Variants in AGO4 observed in about 807,000 individuals in gnomAD.
The protein encoded by AGO4 is protein argonaute-4.
A neutral mutation model predicts 104.7 loss-of-function variants in AGO4; 33 were observed. That is an observed-to-expected ratio of 0.32 (90% CI 0.24 to 0.42). The LOEUF (loss-of-function observed/expected upper bound fraction) is 0.42. AGO4 is among the 10% of genes least tolerant of loss of function. The probability of loss-of-function intolerance (pLI) is 1.00; values close to 1 mark genes in which losing one functional copy is unlikely to be tolerated. For synonymous variants in AGO4, 331 were observed against 364.7 expected (o/e 0.91, Z 1.05); for missense variants, 711 against 1,083.4 (o/e 0.66, Z 4.83).
In AGO4 at chr1:35,826,798, G is replaced by C. The variant is rs1327077031; in HGVS notation, c.811G>C (p.Val271Leu). 1 of 1,614,070 alleles carries C rather than the reference G, an allele frequency of 6.2e-7. No homozygotes were observed. Among genetic ancestry groups the C allele is most frequent in the Admixed American group, 1.7e-5 (1 of 59,996 alleles). ...TGGACAGATGAAACGAAAATACCGA[G>C]TTTGTAATGTGACTAGACGGCCAGC... ...HCGQMKRKYR[V>L]CNVTRRPASH... is the part of the protein sequence containing the mutation. The change falls in exon 7 of 18, where the codon GTT (valine) becomes CTT (leucine). Residue 271 changes from valine to leucine, a missense_variant. Coordinates refer to ENST00000373210, the MANE Select transcript of AGO4 (RefSeq NM_017629.4).
chr1:35,824,525 G>T (rs1384963740), intron 3 of AGO4, among the ~76,000 whole-genome samples: 1 of 150,586 alleles, frequency 6.6e-6, no homozygotes, highest in African/African-American at 2.4e-5. Flanking sequence ...GCTGGGTGTA[G>T]TGCTTCACCC....
chr1:35,850,108 C>G (rs767954938), intron 15 of AGO4, 49 bp from the exon 16 acceptor site: 3 of 1,358,678 alleles, frequency 2.2e-6, no homozygotes, highest in Non-Finnish European at 3.0e-6. Flanking sequence ...AATGGCCTGA[C>G]CACAGTTTGG....
chr1:35,849,212 TA>T (rs1644642816), intron 15 of AGO4, among the ~76,000 whole-genome samples: 1 of 151,994 alleles, frequency 6.6e-6, no homozygotes. Flanking sequence ...TTTAAAAGGG[TA>T]AGAGAACATC....
At chr1:35,822,397 A>AG (rs1207844195) in intron 2 of AGO4, among the ~76,000 whole-genome samples, 1 of 151,858 alleles carries the variant, frequency 6.6e-6, no homozygotes, top group Non-Finnish European at 1.5e-5. Context: ...CTGGGATTAC[A>AG]GGCACGTGCC....
At position 35,855,828 on chromosome 1, in the gene AGO4, TAGG is replaced by T. The variant is rs1644805496; in HGVS notation, c.*2226_*2228del. Reference sequence around the variant, plus strand: ...GAGGAGGAAAAAACGGAAGCTTTTTTAGGAGAAGGAGGACTTGCTGGAATCCAA... The same window carrying T: ...GAGGAGGAAAAAACGGAAGCTTTTTTAGAAGGAGGACTTGCTGGAATCCAA... On this transcript the variant is annotated 3_prime_UTR_variant, in exon 18 of 18. Transcript: ENST00000373210. The T allele has an allele frequency of 6.6e-6, 1 of 152,210 alleles. No homozygotes were observed. The highest frequency in any genetic ancestry group is 6.5e-5 in the Admixed American group (1 of 15,278). The allele number at this position is 152,210 out of a possible 1,614,324, so 9.4% of individuals were successfully genotyped here.
chr1:35,835,204 G>A (rs12137709), intron 12 of AGO4, among the ~76,000 whole-genome samples: 35 of 151,778 alleles, frequency 2.3e-4, no homozygotes, highest in African/African-American at 7.5e-4. Flanking sequence ...CTACAGGCAC[G>A]TGCCATCACA....
chr1:35,824,280 A>G (rs115457686), intron 3 of AGO4, among the ~76,000 whole-genome samples: 1,573 of 151,996 alleles, frequency 0.01, 22 homozygotes, highest in African/African-American at 0.036. Context: ...GGAAACTACT[A>G]TAGTAGTTTG....
At chr1:35,834,914 T>C (rs1644270550) in intron 12 of AGO4, among the ~76,000 whole-genome samples, 1 of 152,152 alleles carries the variant, frequency 6.6e-6, no homozygotes, top group South Asian at 2.1e-4. Context: ...CAGGATGGTC[T>C]TGAACTCCTG....
At chr1:35,812,209 G>GA (rs151265078) in intron 1 of AGO4, among the ~76,000 whole-genome samples, 16 of 145,032 alleles carry the variant, frequency 1.1e-4, no homozygotes, top group African/African-American at 3.0e-4. Flanking sequence ...AAAGAAAAAA[G>GA]AAAAAAAAAA....
chr1:35,825,545 A>T (rs1444370177), intron 4 of AGO4, 51 bp downstream of exon 4: 5 of 1,587,426 alleles, frequency 3.1e-6, no homozygotes, highest in Non-Finnish European at 4.3e-6. Flanking sequence ...CTTTTTTGGT[A>T]GGTTGTACTG....
rs1217885226 is a variant in AGO4 at position 35,825,185 on chromosome 1, A to G, written c.307-128A>G. The G allele has an allele frequency of 1.2e-5, 11 of 916,842 alleles. No homozygotes were observed. The East Asian group carries it at 2.3e-4, about 19-fold the overall frequency. 56.8% of individuals were successfully genotyped at this position (916,842 alleles called of 1,614,324 possible). On this transcript the variant is annotated intron_variant, in intron 3 of 17. Transcript: ENST00000373210. ...ACTCATGGACACTAAGTTGTTTCCA[A>G]TGTTACACAATTGTAAAAAAAAGTT...
intron 2 of AGO4, among the ~76,000 whole-genome samples, chr1:35,819,623 C>A (rs1310374369): frequency 6.6e-6 from 1 of 151,020 alleles, no homozygotes; most frequent in Non-Finnish European, 1.5e-5. Context: ...GTCCCAGCTA[C>A]TCGGGAGGCT....
At position 35,831,286 on chromosome 1, in the gene AGO4, C is replaced by T. The variant is rs540515719; in HGVS notation, c.849-141C>T. On this transcript the variant is annotated intron_variant, in intron 7 of 17. Transcript: ENST00000373210. ...ATGAGGCATGAGAATCCATTGAACC[C>T]GGGAGGCGGAGGTTGAGATCACGCC... 1.2e-4 allele frequency: 95 copies of T among 783,332 alleles called. 1 individual carries two copies. In the South Asian group the frequency reaches 1.8e-3, roughly 15 times the overall value. The allele number at this position is 783,332 out of a possible 1,614,324, so 48.5% of individuals were successfully genotyped here.
Position 35,834,074 on chromosome 1 carries a change from A to T in AGO4, c.1464A>T (p.Gln488His), listed in dbSNP as rs1207474946. 6 of 1,611,756 alleles carry T rather than the reference A, an allele frequency of 3.7e-6. No homozygotes were observed. Among genetic ancestry groups the T allele is most frequent in the Non-Finnish European group, 5.1e-6 (6 of 1,178,978 alleles). The stretch of plus-strand genomic sequence containing the variant: ...AGCCATGTTTCTGCAAGTATGCACA[A>T]GGTGCAGACAGTGTGGAGCCTATGT... Reference protein sequence around the residue: ...QGQPCFCKYAQGADSVEPMFK... With the variant: ...QGQPCFCKYAHGADSVEPMFK... The change falls in exon 12 of 18, where the codon CAA becomes CAT. Residue 488 changes from glutamine to histidine, a missense_variant. This residue lies in a region of AGO4 where 401 missense variants were observed against 665.5 expected (regional missense o/e 0.60). Transcript: ENST00000373210.
intron 1 of AGO4, among the ~76,000 whole-genome samples, chr1:35,813,106 A>G (rs1191658941): frequency 6.6e-6 from 1 of 152,122 alleles, no homozygotes; most frequent in Non-Finnish European, 1.5e-5. Context: ...CTCAACTCCA[A>G]GCAATAAGAA....
Position 35,825,178 on chromosome 1 carries a change from G to T in AGO4, c.307-135G>T, listed in dbSNP as rs146392159. On this transcript the variant is annotated intron_variant, in intron 3 of 17. Coordinates refer to ENST00000373210, the MANE Select transcript of AGO4 (RefSeq NM_017629.4). ...TACCCCTACTCATGGACACTAAGTT[G>T]TTTCCAATGTTACACAATTGTAAAA... 139 of 836,484 alleles carry T rather than the reference G, an allele frequency of 1.7e-4. No homozygotes were observed. In the African/African-American group the frequency reaches 2.0e-3, roughly 12 times the overall value. 51.8% of individuals were successfully genotyped at this position (836,484 alleles called of 1,614,324 possible). A position where few individuals can be genotyped will look rare whatever the true frequency, so the allele number is the denominator to read the frequency against.
intron 1 of AGO4, among the ~76,000 whole-genome samples, chr1:35,816,135 C>A (rs1643685876): frequency 6.6e-6 from 1 of 152,140 alleles, no homozygotes; most frequent in Non-Finnish European, 1.5e-5. Context: ...GTTTAATCTT[C>A]TCCTATATGT....
rs1643712449 is a variant in AGO4, at chr1:35,816,734, G to C, written c.20-148G>C. ...GAATCGCTTGGAACTGGAAGGCAGA[G>C]GTTGCAGTGAGCCAAGATCAAGCCA... On this transcript the variant is annotated intron_variant, in intron 1 of 17. Transcript: ENST00000373210. 7 of 780,170 alleles carry C rather than the reference G, an allele frequency of 9.0e-6. No individual in the cohort carries two copies. The South Asian group carries it at 1.8e-4, about 20-fold the overall frequency. The allele number at this position is 780,170 out of a possible 1,614,324, so 48.3% of individuals were successfully genotyped here.
chr1:35,812,699 C>T (rs1043493289), intron 1 of AGO4, among the ~76,000 whole-genome samples: 3 of 152,076 alleles, frequency 2.0e-5, no homozygotes, highest in Non-Finnish European at 4.4e-5. Flanking sequence ...TCAAGCTATT[C>T]CCCTGCCTCA....
Sources: allele counts gnomAD v4.1 joint callset (sites outside exome capture counted in the v4.1 genomes callset), GRCh38; gene constraint gnomAD v4.1.1; regional missense constraint gnomAD v4.1.1; transcripts MANE v1.5; gene names NCBI Gene and HGNC (gene_info 2026-07-23, HGNC 2026-07-21).